The following DCC variants were observed in gnomAD, a reference collection of about 807,000 sequenced individuals.
DCC encodes the protein DCC netrin 1 receptor.
Under a neutral mutation model 172.5 loss-of-function variants are expected in DCC, and 58 were observed. The observed-to-expected ratio is 0.34, with a 90% confidence interval of 0.27 to 0.42. The LOEUF (loss-of-function observed/expected upper bound fraction) is 0.42. DCC is among the 10% of genes least tolerant of loss of function. The pLI is 1.00. For missense variants in DCC, 1,740 were observed against 1,791.0 expected, an observed-to-expected ratio of 0.97 and a Z score of 0.51; for synonymous variants, 709 against 644.5, an observed-to-expected ratio of 1.10 and a Z score of -1.52.
chr18:53,296,637 G>A (rs1159163658), intron 12 of DCC, among the ~76,000 whole-genome samples: 1 of 152,158 alleles, frequency 6.6e-6, no homozygotes, highest in Non-Finnish European at 1.5e-5. Context: ...GGTAGTGTCA[G>A]AGGAAATATA....
At chr18:53,264,476 CAAA>C (rs935972832) in intron 12 of DCC, among the ~76,000 whole-genome samples, 65 of 46,302 alleles carry the variant, frequency 1.4e-3, no homozygotes, top group African/African-American at 3.8e-3. Flanking sequence ...AACTCCGTCT[CAAA>C]AAAAAAAAAA....
intron 22 of DCC, among the ~76,000 whole-genome samples, chr18:53,446,811 C>A (rs1192821485): frequency 6.6e-6 from 1 of 152,088 alleles, no homozygotes; most frequent in Non-Finnish European, 1.5e-5. Context: ...GAAAGTGCCC[C>A]TTTTTTGGTA....
intron 2 of DCC, among the ~76,000 whole-genome samples, chr18:52,836,612 G>A (rs896589687): frequency 1.1e-4 from 16 of 152,200 alleles, no homozygotes; most frequent in African/African-American, 1.9e-4. Context: ...CATGTCTCAC[G>A]TGCAGGTCTT....
chr18:52,488,027 C>T (rs1359987823), intron 1 of DCC, among the ~76,000 whole-genome samples: 1 of 152,002 alleles, frequency 6.6e-6, no homozygotes, highest in Non-Finnish European at 1.5e-5. Context: ...ATCAATTGTT[C>T]CCATCCCAAT....
intron 12 of DCC, among the ~76,000 whole-genome samples, chr18:53,254,008 T>G (rs181293967): frequency 1.1e-4 from 17 of 152,136 alleles, no homozygotes; most frequent in African/African-American, 4.1e-4. Flanking sequence ...CTCCAATGTA[T>G]TAGCATAAAG....
chr18:53,115,718 CTCAT>C (rs1165337961), intron 7 of DCC, among the ~76,000 whole-genome samples: 1 of 151,548 alleles, frequency 6.6e-6, no homozygotes, highest in Non-Finnish European at 1.5e-5. Context: ...TTTTAGGATT[CTCAT>C]TCATTTAATG....
At chr18:52,888,808 T>C (rs540617044) in intron 2 of DCC, among the ~76,000 whole-genome samples, 3 of 152,176 alleles carry the variant, frequency 2.0e-5, no homozygotes, top group African/African-American at 7.2e-5. Flanking sequence ...TATGTGTATA[T>C]ACAGAAGCCC....
chr18:52,713,672 G>T (rs1317674441), intron 1 of DCC, among the ~76,000 whole-genome samples: 1 of 152,112 alleles, frequency 6.6e-6, no homozygotes, highest in African/African-American at 2.4e-5. Context: ...AGGAGAGGGG[G>T]CCCCTCCTTA....
intron 28 of DCC, among the ~76,000 whole-genome samples, chr18:53,529,126 T>C (rs1213567080): frequency 6.6e-6 from 1 of 151,068 alleles, no homozygotes; most frequent in Non-Finnish European, 1.5e-5. Flanking sequence ...TTGGAAACTT[T>C]TCAGTCCTCT....
intron 15 of DCC, among the ~76,000 whole-genome samples, chr18:53,349,762 C>G (rs564802701): frequency 1.3e-5 from 2 of 152,270 alleles, no homozygotes; most frequent in East Asian, 1.9e-4. Flanking sequence ...TTCACTATCA[C>G]GAGAGCAATG....
intron 1 of DCC, among the ~76,000 whole-genome samples, chr18:52,660,333 C>G (rs538771595): frequency 7.1e-4 from 108 of 152,188 alleles, no homozygotes; most frequent in Admixed American, 5.9e-3. Flanking sequence ...TTTTCTGCAA[C>G]TAGATGTTGT....
chr18:52,876,390 A>G (rs1295384053), intron 2 of DCC, among the ~76,000 whole-genome samples: 2 of 152,216 alleles, frequency 1.3e-5, no homozygotes, highest in African/African-American at 2.4e-5. Flanking sequence ...CAGTTTTACC[A>G]AATTTGGCCT....
chr18:52,818,657 C>T (rs905806762), intron 2 of DCC, among the ~76,000 whole-genome samples: 5 of 152,034 alleles, frequency 3.3e-5, no homozygotes, highest in Non-Finnish European at 5.9e-5. Context: ...TCAATGGTCA[C>T]CAAACGTTTT....
intron 7 of DCC, among the ~76,000 whole-genome samples, chr18:53,103,170 G>A (rs2043197297): frequency 6.6e-6 from 1 of 151,914 alleles, no homozygotes; most frequent in South Asian, 2.1e-4. Flanking sequence ...AAAAACTCAA[G>A]AATCATAGAA....
chr18:52,944,984 AGTG>A (rs1263959676), intron 5 of DCC, among the ~76,000 whole-genome samples: 2 of 152,226 alleles, frequency 1.3e-5, no homozygotes, highest in African/African-American at 4.8e-5. Context: ...GGGCATTTGA[AGTG>A]GTAACCTTGA....
Position 53,452,891 on chromosome 18 carries a change from GT to G in DCC, c.3392+2232del, listed in dbSNP as rs2045433409. ...TATTTCTGAACTATAGTTTAGTGGG[GT>G]TTGTTTGTTTGTTTGTTTGTTTGTT... On this transcript the variant is annotated intron_variant, in intron 23 of 28. Transcript: ENST00000442544. 1.6e-4 allele frequency among the ~76,000 whole-genome samples: 11 copies of G among 70,326 alleles called. 1 individual carries two copies. In the South Asian group the frequency reaches 5.3e-3, roughly 34 times the overall value. The allele number at this position is 70,326 out of a possible 152,430, so 46.1% of individuals were successfully genotyped here. A position where few individuals can be genotyped will look rare whatever the true frequency, so the allele number is the denominator to read the frequency against.
intron 1 of DCC, among the ~76,000 whole-genome samples, chr18:52,415,309 C>T (rs1008470026): frequency 6.6e-6 from 1 of 152,156 alleles, no homozygotes; most frequent in Non-Finnish European, 1.5e-5. Context: ...GGCATAGTGC[C>T]TCTGATTTCA....
At chr18:52,890,113 A>C (rs544945183) in intron 2 of DCC, among the ~76,000 whole-genome samples, 2 of 152,270 alleles carry the variant, frequency 1.3e-5, no homozygotes, top group African/African-American at 4.8e-5. Flanking sequence ...ATATCAACAA[A>C]GAAAATAGAA....
intron 1 of DCC, among the ~76,000 whole-genome samples, chr18:52,571,404 T>C (rs976603437): frequency 6.6e-6 from 1 of 151,954 alleles, no homozygotes; most frequent in Non-Finnish European, 1.5e-5. Flanking sequence ...CACCTGTTTT[T>C]ATAGAAAGAA....
Sources: gnomAD v4.1 joint callset for allele counts (sites outside exome capture counted in the v4.1 genomes callset) on GRCh38, gnomAD v4.1.1 for gene constraint, MANE v1.5 for transcripts, NCBI Gene and HGNC (gene_info 2026-07-23, HGNC 2026-07-21) for gene names.